Variants in ZNF433 observed in about 807,000 individuals in gnomAD.
ZNF433 encodes the protein zinc finger protein 433.
Under a neutral mutation model 10.6 loss-of-function variants are expected in ZNF433, and 12 were observed. The ratio of observed to expected loss-of-function variants is 1.13; its 90% CI spans 0.72 to 1.83. The LOEUF (loss-of-function observed/expected upper bound fraction) is 1.83, where lower values mean the gene tolerates loss of function less well. Ranked by LOEUF, ZNF433 falls within the 40% of genes most tolerant of loss-of-function variation. The probability of loss-of-function intolerance (pLI) is 0.00; values close to 1 mark genes in which losing one functional copy is unlikely to be tolerated. For missense variants in ZNF433, 737 were observed against 798.0 expected (o/e 0.92, Z 0.92); for synonymous variants, 272 against 271.3 (o/e 1.00, Z -0.02).
chr19:12,015,475 GA>G lies in ZNF433; in HGVS notation c.1382del (p.Phe461SerfsTer207). On this transcript the variant is annotated frameshift_variant, in exon 4 of 4. Transcript: ENST00000550507. LOFTEE classifies it low-confidence loss of function (END_TRUNC). ...TGTGCATCCTTTCATGTATTTGAAAGAAAGAGAAATTACTAAATGGTTTTCC... is the reference window on the plus strand; with the variant it reads ...TGTGCATCCTTTCATGTATTTGAAAGAAGAGAAATTACTAAATGGTTTTCC... ...ECGKPFSNFSFFQIHERMHRE... is the reference protein window; with the variant it reads ...ECGKPFSNFSXFQIHERMHRE... 3 of 1,613,750 alleles carry G rather than the reference GA, an allele frequency of 1.9e-6. No homozygotes were observed. Among genetic ancestry groups the G allele is most frequent in the Non-Finnish European group, 2.5e-6 (3 of 1,179,960 alleles).
intron 1 of ZNF433, 87 bp downstream of exon 1, chr19:12,035,450 G>A (rs1975245529): frequency 4.6e-6 from 7 of 1,528,144 alleles, no homozygotes; most frequent in Non-Finnish European, 6.2e-6. Context: ...GAGTCGCCGC[G>A]GGGAGGCCCG....
At chr19:12,029,633 C>A (rs1485522622) in intron 1 of ZNF433, among the ~76,000 whole-genome samples, 1 of 151,274 alleles carries the variant, frequency 6.6e-6, no homozygotes, top group East Asian at 1.9e-4. Context: ...TACAGTGACA[C>A]CCTAACCTGT....
intron 1 of ZNF433, chr19:12,018,494 C>A: frequency 2.1e-6 from 1 of 479,542 alleles, no homozygotes; most frequent in Non-Finnish European, 3.3e-6. Context: ...GGTAAAGCAA[C>A]AGTAGAATAG....
Position 12,015,535 on chromosome 19 carries a change from G to C in ZNF433, c.1323C>G (p.His441Gln). The C allele has an allele frequency of 6.2e-7, 1 of 1,613,956 alleles. No homozygotes were observed. Among genetic ancestry groups the C allele is most frequent in the South Asian group, 1.1e-5 (1 of 91,066 alleles). The change falls in exon 4 of 4, where the codon CAC (histidine) becomes CAG (glutamine). Residue 441 changes from histidine to glutamine, a missense_variant. His to Gln is a conservative substitution (Grantham distance 24). Transcript: ENST00000550507. The part of the protein sequence containing the change: ...ASLLQTHGRT[H>Q]TGEKPYACKE... ...TACATGCATAGGGTTTCTCTCCCGT[G>C]TGAGTCCTACCATGTGTTTGAAGGA...
At position 12,031,087 on chromosome 19, in the gene ZNF433, A is replaced by T. The variant is rs1974993983; in HGVS notation, c.3+4450T>A. On this transcript the variant is annotated intron_variant, in intron 1 of 3. Coordinates refer to ENST00000550507, the MANE Select transcript of ZNF433 (RefSeq NM_001308348.2). ...CTGAGGTGGGCAGATCACGAGGTCA[A>T]GAGATTGAGACCATTCTGGCCAACA... Among the ~76,000 whole-genome samples the T allele has an allele frequency of 2.0e-5, 3 of 151,908 alleles. No homozygotes were observed. The South Asian group carries it at 6.2e-4, about 32-fold the overall frequency.
intron 1 of ZNF433, chr19:12,018,503 A>G: frequency 2.2e-6 from 1 of 454,094 alleles, no homozygotes; most frequent in Non-Finnish European, 3.5e-6. Flanking sequence ...ACAGTAGAAT[A>G]GGAAAATGTG....
rs929737114 is a variant in ZNF433 at position 12,015,456 on chromosome 19, T to A, written c.1402A>T (p.Met468Leu). 2.5e-6 allele frequency: 4 copies of A among 1,613,964 alleles called. No homozygotes were observed. The highest frequency in any genetic ancestry group is 3.4e-6 in the Non-Finnish European group (4 of 1,179,992). Residue 468 changes from methionine (M) to leucine (L), a missense_variant, in exon 4 of 4, where the codon ATG becomes TTG. Coordinates refer to ENST00000550507, the MANE Select transcript of ZNF433 (RefSeq NM_001308348.2). ...TCATACGGCTTCTCTTCTCTGTGCA[T>A]CCTTTCATGTATTTGAAAGAAAGAG... ...NFSFFQIHER[M>L]HREEKPYECK...
intron 1 of ZNF433, among the ~76,000 whole-genome samples, chr19:12,034,233 C>T (rs1318430350): frequency 6.6e-6 from 1 of 152,132 alleles, no homozygotes; most frequent in Admixed American, 6.5e-5. Context: ...GTCGAGTAAC[C>T]TCTGATTATA....
chr19:12,029,795 T>C (rs1227214887), intron 1 of ZNF433, among the ~76,000 whole-genome samples: 2 of 151,280 alleles, frequency 1.3e-5, no homozygotes, highest in East Asian at 3.9e-4. Context: ...AATAAAAAAA[T>C]AGCTGGCCGG....
At chr19:12,032,104 T>A (rs419421) in intron 1 of ZNF433, among the ~76,000 whole-genome samples, 24,058 of 151,256 alleles carry the variant, frequency 0.16, 4,500 homozygotes, top group African/African-American at 0.46. Flanking sequence ...ATGCCCGGCT[T>A]TTTTTTTGTA....
intron 1 of ZNF433, among the ~76,000 whole-genome samples, chr19:12,029,498 G>A (rs1039966495): frequency 3.9e-5 from 5 of 126,682 alleles, no homozygotes; most frequent in East Asian, 2.3e-4. Flanking sequence ...CTCCAGCCTC[G>A]GTGACAGAGC....
rs1974162360 is a variant in ZNF433, at chr19:12,015,931, A to C, written c.927T>G (p.Cys309Trp). ...ACTTGAATGCTTTTCCACATTCCTT[A>C]CATTCATATGGCTTCTCCCCCGTGT... is the stretch of plus-strand genomic sequence containing the variant. The part of the protein sequence containing the change: ...RTHTGEKPYE[C>W]KECGKAFKCP... The change falls in exon 4 of 4, where the codon TGT (cysteine) becomes TGG (tryptophan). Residue 309 changes from cysteine (C) to tryptophan (W), a missense_variant. Coordinates refer to ENST00000550507, the MANE Select transcript of ZNF433 (RefSeq NM_001308348.2). The C allele has an allele frequency of 1.2e-6, 2 of 1,614,016 alleles. No individual in the cohort carries two copies. Among genetic ancestry groups the C allele is most frequent in the Non-Finnish European group, 1.7e-6 (2 of 1,179,990 alleles).
rs1380736313 is a variant in ZNF433 at position 12,014,959 on chromosome 19, A to T, written c.1899T>A (p.His633Gln). 1.2e-6 allele frequency: 2 copies of T among 1,613,918 alleles called. No homozygotes were observed. Among genetic ancestry groups the T allele is most frequent in the Non-Finnish European group, 1.7e-6 (2 of 1,179,974 alleles). ...AFGCPSNLRR[H>Q]GRTHTGEKPY... The stretch of plus-strand genomic sequence containing the variant: ...GTTTCTCTCCAGTGTGAGTCCTTCC[A>T]TGCCTTCGAAGGTTTGAGGGACATC... Residue 633 changes from histidine to glutamine, a missense_variant, in exon 4 of 4, where the codon CAT (histidine) becomes CAA (glutamine). Coordinates refer to ENST00000550507, the MANE Select transcript of ZNF433 (RefSeq NM_001308348.2).
intron 1 of ZNF433, among the ~76,000 whole-genome samples, chr19:12,019,052 T>TA (rs754859866): frequency 0.087 from 5,470 of 63,028 alleles, 178 homozygotes; most frequent in African/African-American, 0.13. Context: ...TCCATCTTAA[T>TA]AAAAAAAAAA....
At chr19:12,026,300 C>A in intron 1 of ZNF433, 1 of 182,068 alleles carries the variant, frequency 5.5e-6, no homozygotes, top group South Asian at 9.7e-5. Context: ...TCCCTGGTTG[C>A]AGCCATGTCA....
rs368437915 is a variant in ZNF433 at position 12,016,004 on chromosome 19, C to G, written c.854G>C (p.Gly285Ala). ...GGAATGGGAAGAGCTGAAGGCTTTC[C>G]CACACTGTTTACATTCATATGGCTT... ...GEKPYECKQC[G>A]KAFSSSHSFQ... is the part of the protein sequence containing the mutation. Residue 285 changes from glycine (G) to alanine (A), a missense_variant, in exon 4 of 4, where the codon GGG (glycine) becomes GCG (alanine). By Grantham distance (60) the Gly-to-Ala change is moderately conservative. Transcript: ENST00000550507. The G allele has an allele frequency of 3.1e-6, 5 of 1,613,934 alleles. No individual in the cohort carries two copies. In the African/African-American group the frequency reaches 5.3e-5, roughly 17 times the overall value.
At chr19:12,022,203 A>T in intron 1 of ZNF433, 1 of 358,378 alleles carries the variant, frequency 2.8e-6, no homozygotes, top group Non-Finnish European at 5.8e-6. Context: ...AACCACAAAC[A>T]ATAGCGTAAG....
chr19:12,017,867 G>A lies in ZNF433; in HGVS notation c.191+9C>T, dbSNP rs755719165. On this transcript the variant is annotated intron_variant, in intron 3 of 3. Transcript: ENST00000550507. ...AGACACACGTCTTTGTCATGTGAGTGCAAGTTACCTTAGGTTTCTCCTTAG... is the reference window on the plus strand; with the variant it reads ...AGACACACGTCTTTGTCATGTGAGTACAAGTTACCTTAGGTTTCTCCTTAG... 2 of 1,554,404 alleles carry A rather than the reference G, an allele frequency of 1.3e-6. No individual in the cohort carries two copies. Among genetic ancestry groups the A allele is most frequent in the Non-Finnish European group, 1.7e-6 (2 of 1,149,178 alleles).
Position 12,015,420 on chromosome 19 carries a change from A to T in ZNF433, c.1438T>A (p.Tyr480Asn). 6.2e-7 allele frequency: 1 copy of T among 1,614,098 alleles called. No individual in the cohort carries two copies. Among genetic ancestry groups the T allele is most frequent in the Non-Finnish European group, 8.5e-7 (1 of 1,179,972 alleles). ...REEKPYECKG[Y>N]GKTFSLPSLF... is the part of the protein sequence containing the mutation. ...CTGGGCAAACTGAATGTTTTCCCAT[A>T]ACCCTTACATTCATACGGCTTCTCT... The change falls in exon 4 of 4, where the codon TAT becomes AAT. Residue 480 changes from tyrosine (Y) to asparagine (N), a missense_variant. Coordinates refer to ENST00000550507, the MANE Select transcript of ZNF433 (RefSeq NM_001308348.2).
Sources: gnomAD v4.1 joint callset for allele counts (sites outside exome capture counted in the v4.1 genomes callset) on GRCh38, gnomAD v4.1.1 for gene constraint, MANE v1.5 for transcripts, NCBI Gene and HGNC (gene_info 2026-07-23, HGNC 2026-07-21) for gene names.